Variants in GRM8 observed in about 807,000 individuals in gnomAD.
GRM8 encodes metabotropic glutamate receptor 8.
Under a neutral mutation model 87.2 loss-of-function variants are expected in GRM8, and 47 were observed. That is an observed-to-expected ratio of 0.54 (90% CI 0.43 to 0.69). The LOEUF (loss-of-function observed/expected upper bound fraction) is 0.69. Among genes scored for constraint, GRM8 ranks in the 30% least tolerant of loss-of-function variants. The probability of loss-of-function intolerance (pLI) is 0.00; values close to 1 mark genes in which losing one functional copy is unlikely to be tolerated. For synonymous variants in GRM8, 396 were observed against 404.5 expected (o/e 0.98, Z 0.25); for missense variants, 1,019 against 1,139.2 (o/e 0.89, Z 1.52).
intron 6 of GRM8, among the ~76,000 whole-genome samples, chr7:126,826,454 G>A (rs1390537497): frequency 3.3e-4 from 50 of 152,134 alleles, no homozygotes; most frequent in African/African-American, 9.9e-4. Flanking sequence ...TTTGATTTGC[G>A]TTTCTCTGAT....
chr7:127,150,760 G>A (rs1467251653), intron 2 of GRM8, among the ~76,000 whole-genome samples: 1 of 152,024 alleles, frequency 6.6e-6, no homozygotes. Context: ...TTCAAGGAGA[G>A]TAGAGTCTGT....
intron 3 of GRM8, among the ~76,000 whole-genome samples, chr7:127,021,467 C>A (rs1586774166): frequency 6.6e-6 from 1 of 151,896 alleles, no homozygotes; most frequent in Non-Finnish European, 1.5e-5. Flanking sequence ...ATACTAATTT[C>A]CAGCAATTTA....
chr7:126,944,618 T>C (rs899461788), intron 3 of GRM8, among the ~76,000 whole-genome samples: 2 of 152,094 alleles, frequency 1.3e-5, no homozygotes, highest in African/African-American at 4.8e-5. Flanking sequence ...TTCCAGAATA[T>C]AGAAAAACAA....
chr7:126,568,892 C>T (rs1003909337), intron 8 of GRM8, among the ~76,000 whole-genome samples: 1 of 151,982 alleles, frequency 6.6e-6, no homozygotes, highest in Admixed American at 6.6e-5. Flanking sequence ...CAAGATGAAA[C>T]GTACTGAGCA....
chr7:127,186,531 C>T (rs1217197698), intron 2 of GRM8, among the ~76,000 whole-genome samples: 1 of 152,068 alleles, frequency 6.6e-6, no homozygotes, highest in Non-Finnish European at 1.5e-5. Context: ...GGTTCCTTCC[C>T]CAAGTTCCTA....
At chr7:126,541,225 A>G (rs1022807118) in intron 8 of GRM8, among the ~76,000 whole-genome samples, 1 of 152,220 alleles carries the variant, frequency 6.6e-6, no homozygotes, top group African/African-American at 2.4e-5. Flanking sequence ...CCCAGGGTTC[A>G]TGGATGTGCA....
intron 6 of GRM8, among the ~76,000 whole-genome samples, chr7:126,797,364 A>C (rs1412520757): frequency 6.6e-6 from 1 of 152,168 alleles, no homozygotes; most frequent in Non-Finnish European, 1.5e-5. Context: ...TCTATTATTT[A>C]CATTTTTAAC....
intron 3 of GRM8, among the ~76,000 whole-genome samples, chr7:127,040,069 AGAT>A (rs1288772779): frequency 8.0e-3 from 14 of 1,744 alleles, no homozygotes; most frequent in African/African-American, 0.034. Context: ...GAAGAAGGGG[AGAT>A]GGGTGGGGGA....
chr7:126,803,625 T>C (rs1326256120), intron 6 of GRM8, among the ~76,000 whole-genome samples: 1 of 152,196 alleles, frequency 6.6e-6, no homozygotes, highest in Non-Finnish European at 1.5e-5. Flanking sequence ...TCCTGCACAT[T>C]CTAGTTATTG....
At chr7:127,250,517 A>T (rs1056983795) in intron 1 of GRM8, among the ~76,000 whole-genome samples, 1 of 152,182 alleles carries the variant, frequency 6.6e-6, no homozygotes, top group Non-Finnish European at 1.5e-5. Context: ...TCCCTTATTC[A>T]AAAGCAAGAA....
chr7:126,905,721 TA>T (rs2131245915), intron 3 of GRM8, among the ~76,000 whole-genome samples: 1 of 152,260 alleles, frequency 6.6e-6, no homozygotes, highest in South Asian at 2.1e-4. Context: ...GTCTGGGAAA[TA>T]GGCATTTGAA....
At chr7:127,206,600 T>C (rs1245884277) in intron 2 of GRM8, among the ~76,000 whole-genome samples, 1 of 152,218 alleles carries the variant, frequency 6.6e-6, no homozygotes, top group East Asian at 1.9e-4. Context: ...TCAGAATTAG[T>C]GTGCCTCCGT....
chr7:126,955,599 G>A (rs1808595158), intron 3 of GRM8, among the ~76,000 whole-genome samples: 1 of 152,016 alleles, frequency 6.6e-6, no homozygotes, highest in African/African-American at 2.4e-5. Context: ...GGTATTTGAG[G>A]GTGTTCCATA....
At chr7:126,813,641 C>CTAT (rs1254896096) in intron 6 of GRM8, among the ~76,000 whole-genome samples, 1 of 152,046 alleles carries the variant, frequency 6.6e-6, no homozygotes, top group Non-Finnish European at 1.5e-5. Context: ...CTTGGAGAAA[C>CTAT]TATAAAGGTG....
chr7:126,793,588 A>G (rs1330265850), intron 6 of GRM8, among the ~76,000 whole-genome samples: 1 of 152,226 alleles, frequency 6.6e-6, no homozygotes, highest in African/African-American at 2.4e-5. Context: ...ACTAGACTCA[A>G]AGTTAACAAA....
intron 2 of GRM8, among the ~76,000 whole-genome samples, chr7:127,207,252 G>A (rs1235834394): frequency 6.6e-6 from 1 of 151,946 alleles, no homozygotes; most frequent in Non-Finnish European, 1.5e-5. Context: ...TACTATCTAT[G>A]CATTTGAACC....
chr7:127,005,494 C>G (rs556937864), intron 3 of GRM8, among the ~76,000 whole-genome samples: 1 of 151,618 alleles, frequency 6.6e-6, no homozygotes, highest in South Asian at 2.1e-4. Flanking sequence ...TGTTTCAATC[C>G]CCCTAAGGCC....
At chr7:126,892,672 A>T (rs1801170235) in intron 6 of GRM8, among the ~76,000 whole-genome samples, 1 of 152,140 alleles carries the variant, frequency 6.6e-6, no homozygotes, top group African/African-American at 2.4e-5. Context: ...TGGCTGGGTC[A>T]AATGGTATTT....
rs950850729 is a variant in GRM8 at position 127,166,277 on chromosome 7, A to AT, written c.511-59566dup. ...TACCTCCTGCTTCTTCTCTCTGGTG[A>AT]TTTTTTTTCCTTCTTCTTTATGCAC... On this transcript the variant is annotated intron_variant, in intron 2 of 10. Transcript: ENST00000339582. Among the ~76,000 whole-genome samples, 12 of 151,954 alleles carry AT rather than the reference A, an allele frequency of 7.9e-5. No individual in the cohort carries two copies. In the South Asian group the frequency reaches 8.3e-4, roughly 11 times the overall value.
Sources: allele counts gnomAD v4.1 joint callset (sites outside exome capture counted in the v4.1 genomes callset), GRCh38; gene constraint gnomAD v4.1.1; transcripts MANE v1.5; gene names NCBI Gene and HGNC (gene_info 2026-07-23, HGNC 2026-07-21).